The following LYPLAL1 variants were observed in gnomAD, a reference collection of about 807,000 sequenced individuals.
The protein encoded by LYPLAL1 is lysophospholipase like 1.
LYPLAL1 carries 23 observed loss-of-function variants against 19.7 expected under a neutral mutation model. The ratio of observed to expected loss-of-function variants is 1.17; its 90% CI spans 0.84 to 1.65. The LOEUF is 1.65. Ranked by LOEUF, LYPLAL1 falls within the 40% of genes most tolerant of loss-of-function variation. The pLI, the probability that LYPLAL1 is intolerant of heterozygous loss-of-function variation, is 0.00. For missense variants in LYPLAL1, 355 were observed against 279.4 expected (o/e 1.27, Z -1.93); for synonymous variants, 119 against 96.3 (o/e 1.24, Z -1.38).
chr1:219,267,510 T>C, the LYPLAL1 span, among the ~76,000 whole-genome samples: 1 of 152,234 alleles, frequency 6.6e-6, no homozygotes, highest in African/African-American at 2.4e-5. Context: ...CTCTGCTTAT[T>C]TGTTAAATAT....
the LYPLAL1 span, among the ~76,000 whole-genome samples, chr1:219,267,715 A>G: frequency 6.6e-6 from 1 of 152,214 alleles, no homozygotes; most frequent in East Asian, 1.9e-4. Context: ...ATAAGCTTCA[A>G]TAAGTAATTT....
chr1:219,336,066 T>C, the LYPLAL1 span, among the ~76,000 whole-genome samples: 3 of 150,794 alleles, frequency 2.0e-5, no homozygotes, highest in Admixed American at 6.6e-5. Flanking sequence ...TAGAGAACAT[T>C]TTGACAACAT....
chr1:219,245,997 A>C, the LYPLAL1 span, among the ~76,000 whole-genome samples: 1 of 152,218 alleles, frequency 6.6e-6, no homozygotes, highest in Admixed American at 6.5e-5. Flanking sequence ...GGAGTTAGCC[A>C]TATCTTTGGT....
the LYPLAL1 span, among the ~76,000 whole-genome samples, chr1:219,419,548 A>AACACACACACACACACAC: frequency 6.1e-5 from 6 of 97,798 alleles, no homozygotes; most frequent in Non-Finnish European, 1.1e-4. Context: ...GCCCTAGCCC[A>AACACACACACACACACAC]ACACACACAC....
the LYPLAL1 span, chr1:219,437,051 C>G: frequency 6.6e-6 from 1 of 152,206 alleles, no homozygotes; most frequent in Non-Finnish European, 1.5e-5. Flanking sequence ...AACCACCTCT[C>G]TTACCTCTAG....
the LYPLAL1 span, among the ~76,000 whole-genome samples, chr1:219,297,512 G>A: frequency 6.6e-6 from 1 of 152,178 alleles, no homozygotes; most frequent in Non-Finnish European, 1.5e-5. Context: ...TGAATAAAAA[G>A]TGGTTCTGAA....
intron 2 of LYPLAL1, among the ~76,000 whole-genome samples, chr1:219,191,564 A>G (rs1212068770): frequency 6.6e-6 from 1 of 151,576 alleles, no homozygotes; most frequent in African/African-American, 2.4e-5. Flanking sequence ...GCCTGTAAAT[A>G]TGCATATTTT....
the LYPLAL1 span, among the ~76,000 whole-genome samples, chr1:219,301,428 A>G: frequency 2.0e-5 from 3 of 152,350 alleles, no homozygotes; most frequent in South Asian, 6.2e-4. Context: ...TAGAAGAAAA[A>G]TTGTACTAGA....
the LYPLAL1 span, among the ~76,000 whole-genome samples, chr1:219,348,503 A>T: frequency 1.3e-5 from 2 of 152,174 alleles, no homozygotes; most frequent in Non-Finnish European, 2.9e-5. Context: ...CAGGTCTGAT[A>T]GATTTTCAAG....
At chr1:219,301,273 A>C in the LYPLAL1 span, among the ~76,000 whole-genome samples, 1 of 152,206 alleles carries the variant, frequency 6.6e-6, no homozygotes, top group Non-Finnish European at 1.5e-5. Context: ...ACTTTTCCCC[A>C]AGGTATTCAC....
chr1:219,272,977 T>A, the LYPLAL1 span: 3 of 152,126 alleles, frequency 2.0e-5, no homozygotes, highest in East Asian at 5.8e-4. Context: ...AAATAAACTC[T>A]GAGAGGCCCT....
the LYPLAL1 span, among the ~76,000 whole-genome samples, chr1:219,268,845 G>A: frequency 6.6e-6 from 1 of 152,172 alleles, no homozygotes; most frequent in Admixed American, 6.5e-5. Context: ...CCTGTGTAAG[G>A]TGCTTGCTAA....
intron 1 of LYPLAL1, among the ~76,000 whole-genome samples, chr1:219,174,636 T>TA (rs1395138729): frequency 6.6e-6 from 1 of 152,154 alleles, no homozygotes; most frequent in Non-Finnish European, 1.5e-5. Context: ...AACGTGTGCT[T>TA]AATGCTGTAT....
chr1:219,339,403 G>T, the LYPLAL1 span, among the ~76,000 whole-genome samples: 1 of 152,138 alleles, frequency 6.6e-6, no homozygotes, highest in South Asian at 2.1e-4. Flanking sequence ...ATAGCTATGA[G>T]AAAGTTTTAG....
At chr1:219,356,415 G>A in the LYPLAL1 span, among the ~76,000 whole-genome samples, 13 of 152,234 alleles carry the variant, frequency 8.5e-5, no homozygotes, top group African/African-American at 1.2e-4. Context: ...CAGGAGAATC[G>A]CTTGAACCCG....
the LYPLAL1 span, among the ~76,000 whole-genome samples, chr1:219,404,303 A>T: frequency 6.6e-6 from 1 of 152,196 alleles, no homozygotes; most frequent in Non-Finnish European, 1.5e-5. Flanking sequence ...GTCAGGGCAT[A>T]GCACTTCAGT....
In LYPLAL1 at chr1:219,210,527, T is replaced by G; in HGVS notation, c.362-5T>G. ...TTCTACTTTTAAGTATGTTTTTGTT[T>G]TTAGGAGGATTCTCTATGGGAGGAT... On this transcript the variant is annotated splice_polypyrimidine_tract_variant and splice_region_variant and intron_variant, in intron 3 of 4. Transcript: ENST00000366928. The G allele has an allele frequency of 6.4e-7, 1 of 1,568,846 alleles. No homozygotes were observed. Among genetic ancestry groups the G allele is most frequent in the Non-Finnish European group, 8.7e-7 (1 of 1,151,238 alleles).
At chr1:219,193,872 T>G (rs1423766706) in intron 3 of LYPLAL1, among the ~76,000 whole-genome samples, 2 of 151,856 alleles carry the variant, frequency 1.3e-5, no homozygotes, top group African/African-American at 4.8e-5. Flanking sequence ...CACGACATAT[T>G]TTGGTGAAAG....
At chr1:219,346,763 T>C in the LYPLAL1 span, among the ~76,000 whole-genome samples, 1 of 152,084 alleles carries the variant, frequency 6.6e-6, no homozygotes, top group East Asian at 1.9e-4. Flanking sequence ...AAAAAAGAAG[T>C]TGCAAATTAG....
Sources: allele counts gnomAD v4.1 joint callset (sites outside exome capture counted in the v4.1 genomes callset), GRCh38; gene constraint gnomAD v4.1.1; transcripts MANE v1.5; gene names NCBI Gene and HGNC (gene_info 2026-07-23, HGNC 2026-07-21).